The following XPR1 variants were observed in gnomAD, a reference collection of about 807,000 sequenced individuals.
XPR1 encodes solute carrier family 53 member 1.
Under a neutral mutation model 87.5 loss-of-function variants are expected in XPR1, and 28 were observed. The ratio of observed to expected loss-of-function variants is 0.32; its 90% CI spans 0.24 to 0.44. XPR1 has a LOEUF of 0.44. Among genes scored for constraint, XPR1 ranks in the 20% least tolerant of loss-of-function variants. The pLI, the probability that XPR1 is intolerant of heterozygous loss-of-function variation, is 1.00. For synonymous variants in XPR1, 300 were observed against 306.1 expected (o/e 0.98, Z 0.21); for missense variants, 559 against 862.3 (o/e 0.65, Z 4.41).
chr1:180,829,992 CT>C (rs1203107024), intron 9 of XPR1, among the ~76,000 whole-genome samples: 1 of 151,758 alleles, frequency 6.6e-6, no homozygotes. Context: ...GATAGTCTGT[CT>C]CATGTCAGTT....
At chr1:180,807,707 TA>T (rs1650051485) in intron 6 of XPR1, among the ~76,000 whole-genome samples, 1 of 152,170 alleles carries the variant, frequency 6.6e-6, no homozygotes, top group African/African-American at 2.4e-5. Flanking sequence ...TAAGCAGATT[TA>T]AAAATTTATA....
chr1:180,853,662 CA>C (rs1558039408), intron 11 of XPR1, among the ~76,000 whole-genome samples: 77 of 151,774 alleles, frequency 5.1e-4, no homozygotes, highest in South Asian at 3.5e-3. Context: ...CACACACACA[CA>C]CACACCCTAC....
intron 2 of XPR1, among the ~76,000 whole-genome samples, chr1:180,759,876 A>G (rs369715744): frequency 2.6e-5 from 4 of 152,242 alleles, no homozygotes; most frequent in Admixed American, 6.5e-5. Flanking sequence ...TAAAATACTG[A>G]CAAACCGAAT....
intron 9 of XPR1, among the ~76,000 whole-genome samples, chr1:180,825,923 G>T (rs1650816082): frequency 6.6e-6 from 1 of 152,156 alleles, no homozygotes; most frequent in Non-Finnish European, 1.5e-5. Context: ...GGTGGCCCAT[G>T]CCTGTAATCC....
intron 2 of XPR1, among the ~76,000 whole-genome samples, chr1:180,702,263 A>G (rs1383764181): frequency 8.5e-6 from 1 of 117,944 alleles, no homozygotes. Context: ...GAGATTCTTA[A>G]TCCTGAGTTC....
intron 1 of XPR1, among the ~76,000 whole-genome samples, chr1:180,658,665 C>T (rs1384956572): frequency 2.0e-5 from 3 of 151,868 alleles, no homozygotes; most frequent in Non-Finnish European, 4.4e-5. Flanking sequence ...CCCAGGTTCA[C>T]ACCATTCTCC....
chr1:180,655,400 CTT>C (rs994780324), intron 1 of XPR1, among the ~76,000 whole-genome samples: 18 of 131,420 alleles, frequency 1.4e-4, no homozygotes, highest in Admixed American at 2.3e-4. Flanking sequence ...CTCTCTCTCT[CTT>C]TTTTTTTTTT....
At chr1:180,805,282 T>C (rs903755305) in intron 4 of XPR1, among the ~76,000 whole-genome samples, 1 of 152,208 alleles carries the variant, frequency 6.6e-6, no homozygotes, top group African/African-American at 2.4e-5. Flanking sequence ...GTTGGGGACA[T>C]GTAATCAGCA....
chr1:180,712,637 C>T (rs1367374136), intron 2 of XPR1, among the ~76,000 whole-genome samples: 1 of 152,054 alleles, frequency 6.6e-6, no homozygotes, highest in African/African-American at 2.4e-5. Flanking sequence ...AAAACCCCAT[C>T]TCTACTAAAA....
chr1:180,725,338 G>A (rs947006379), intron 2 of XPR1, among the ~76,000 whole-genome samples: 1 of 152,026 alleles, frequency 6.6e-6, no homozygotes, highest in Non-Finnish European at 1.5e-5. Flanking sequence ...TCCTGATGAA[G>A]GACACTGAGA....
rs957726026 is a variant in XPR1, at chr1:180,884,179, A to G, written c.*113A>G. Reference sequence around the variant, plus strand: ...GAAAACAGGAGAAAACACATAACACATTTTCCGAGCTCTTCCGGATCGGAT... The same window carrying G: ...GAAAACAGGAGAAAACACATAACACGTTTTCCGAGCTCTTCCGGATCGGAT... On this transcript the variant is annotated 3_prime_UTR_variant, in exon 15 of 15. Transcript: ENST00000367590. 3 of 830,708 alleles carry G rather than the reference A, an allele frequency of 3.6e-6. No individual in the cohort carries two copies. The highest frequency in any genetic ancestry group is 4.3e-5 in the South Asian group (2 of 46,606). The allele number at this position is 830,708 out of a possible 1,614,324, so 51.5% of individuals were successfully genotyped here. A position where few individuals can be genotyped will look rare whatever the true frequency, so the allele number is the denominator to read the frequency against.
Position 180,887,939 on chromosome 1 carries a change from T to G in XPR1, c.*3873T>G, listed in dbSNP as rs147016143. On this transcript the variant is annotated 3_prime_UTR_variant, in exon 15 of 15. Coordinates refer to ENST00000367590, the MANE Select transcript of XPR1 (RefSeq NM_004736.4). ...AAGAACAGAAAAAAGTAAAGTAGTA[T>G]TGAGTCATGCAGGTATCAGATTAAC... 198 of 152,360 alleles carry G rather than the reference T, an allele frequency of 1.3e-3. No homozygotes were observed. Among genetic ancestry groups the G allele is most frequent in the African/African-American group, 4.4e-3 (183 of 41,578 alleles). 9.4% of individuals were successfully genotyped at this position (152,360 alleles called of 1,614,324 possible). A position where few individuals can be genotyped will look rare whatever the true frequency, so the allele number is the denominator to read the frequency against.
In XPR1 at chr1:180,882,071, A is replaced by AT. The variant is rs544481956; in HGVS notation, c.2030+1778dup. Among the ~76,000 whole-genome samples, 77 of 152,252 alleles carry AT rather than the reference A, an allele frequency of 5.1e-4. No homozygotes were observed. The South Asian group carries it at 0.015, about 30-fold the overall frequency. On this transcript the variant is annotated intron_variant, in intron 14 of 14. Coordinates refer to ENST00000367590, the MANE Select transcript of XPR1 (RefSeq NM_004736.4). ...GATTGGTGACCTCATTGAGCTCCTG[A>AT]TTTTGAAGTCTAATTATCCTTGTTA...
At chr1:180,646,780 TA>T (rs1571674298) in intron 1 of XPR1, among the ~76,000 whole-genome samples, 1 of 151,926 alleles carries the variant, frequency 6.6e-6, no homozygotes, top group African/African-American at 2.4e-5. Context: ...GTGGAAGTAG[TA>T]AATAAAATAA....
intron 2 of XPR1, among the ~76,000 whole-genome samples, chr1:180,739,458 A>G (rs1168600745): frequency 1.1e-4 from 16 of 152,112 alleles, no homozygotes; most frequent in Admixed American, 1.0e-3. Context: ...GTCTATATCT[A>G]TGAAAAAATA....
intron 2 of XPR1, among the ~76,000 whole-genome samples, chr1:180,724,810 C>T (rs565034332): frequency 6.6e-6 from 1 of 152,116 alleles, no homozygotes; most frequent in South Asian, 2.1e-4. Flanking sequence ...TTAATATTTC[C>T]TCAGTTATCA....
intron 14 of XPR1, among the ~76,000 whole-genome samples, chr1:180,882,392 T>A (rs561391554): frequency 6.6e-6 from 1 of 152,294 alleles, no homozygotes; most frequent in South Asian, 2.1e-4. Flanking sequence ...CTCGCTCCGT[T>A]GCCCAGGTTG....
At chr1:180,746,701 A>T (rs1326471187) in intron 2 of XPR1, among the ~76,000 whole-genome samples, 2 of 152,122 alleles carry the variant, frequency 1.3e-5, no homozygotes, top group African/African-American at 4.8e-5. Flanking sequence ...ACTTTGCTTG[A>T]TTTTTAATAG....
At chr1:180,637,492 AC>A (rs1315645346) in intron 1 of XPR1, among the ~76,000 whole-genome samples, 2 of 152,196 alleles carry the variant, frequency 1.3e-5, no homozygotes, top group Non-Finnish European at 2.9e-5. Context: ...ACAGATAAAA[AC>A]AATAACACTT....
Sources: allele counts gnomAD v4.1 joint callset (sites outside exome capture counted in the v4.1 genomes callset), GRCh38; gene constraint gnomAD v4.1.1; transcripts MANE v1.5; gene names NCBI Gene and HGNC (gene_info 2026-07-23, HGNC 2026-07-21).